SF3B6: variants seen among roughly 807,000 people sequenced by gnomAD.
SF3B6 encodes splicing factor 3b subunit 6.
SF3B6 carries 3 observed loss-of-function variants against 15.9 expected under a neutral mutation model. That is an observed-to-expected ratio of 0.19 (90% CI 0.09 to 0.49). SF3B6 has a LOEUF of 0.49. Ranked by LOEUF, SF3B6 falls within the 20% of genes least tolerant of loss-of-function variation. SF3B6 has a pLI of 0.97. For synonymous variants in SF3B6, 49 were observed against 51.1 expected (o/e 0.96, Z 0.18); for missense variants, 71 against 154.3 (o/e 0.46, Z 2.86).
intron 1 of SF3B6, 65 bp from the exon 2 acceptor site, chr2:24,074,259 C>T: frequency 1.3e-6 from 1 of 794,172 alleles, no homozygotes. Context: ...AATTTAAATG[C>T]CCCTATAATT....
chr2:24,075,779 G>A (rs1307547672), intron 1 of SF3B6, among the ~76,000 whole-genome samples: 1 of 151,872 alleles, frequency 6.6e-6, no homozygotes, highest in Non-Finnish European at 1.5e-5. Flanking sequence ...AAAAAATATT[G>A]TTTTAATTAA....
intron 1 of SF3B6, among the ~76,000 whole-genome samples, chr2:24,075,053 C>A (rs574864008): frequency 1.3e-5 from 2 of 152,264 alleles, no homozygotes; most frequent in African/African-American, 4.8e-5. Flanking sequence ...TGCTTGAACT[C>A]AGGAGACAGA....
chr2:24,068,820 G>A (rs187420517), intron 2 of SF3B6, among the ~76,000 whole-genome samples: 1 of 152,082 alleles, frequency 6.6e-6, no homozygotes, highest in East Asian at 1.9e-4. Flanking sequence ...CTGGCTCTAC[G>A]TTGTCTTTGT....
At chr2:24,076,136 T>C (rs2150979860) in intron 1 of SF3B6, 64 bp downstream of exon 1, 1 of 1,603,520 alleles carries the variant, frequency 6.2e-7, no homozygotes, top group Non-Finnish European at 8.5e-7. Context: ...AATGCTCCGA[T>C]CCACGCCGCT....
At chr2:24,075,931 G>C (rs936577668) in intron 1 of SF3B6, among the ~76,000 whole-genome samples, 4 of 152,050 alleles carry the variant, frequency 2.6e-5, no homozygotes, top group Admixed American at 1.3e-4. Flanking sequence ...CAGGTCCTTA[G>C]GTGCGGGTCA....
At chr2:24,074,021 T>G in intron 2 of SF3B6, 55 bp downstream of exon 2, 1 of 1,151,210 alleles carries the variant, frequency 8.7e-7, no homozygotes. Flanking sequence ...TCAGCTATAA[T>G]TCTGAAATTA....
intron 2 of SF3B6, among the ~76,000 whole-genome samples, chr2:24,072,277 C>A (rs1435173525): frequency 6.6e-6 from 1 of 152,196 alleles, no homozygotes; most frequent in African/African-American, 2.4e-5. Flanking sequence ...TGAGCCACCA[C>A]ATCTGGCCTA....
chr2:24,075,347 TTCTTTCTTTC>T (rs1391632060), intron 1 of SF3B6, among the ~76,000 whole-genome samples: 1 of 141,330 alleles, frequency 7.1e-6, no homozygotes, highest in Non-Finnish European at 1.5e-5. Context: ...CTTTCTTTCT[TTCTTTCTTTC>T]TGTTTTTTTT....
At chr2:24,068,282 A>C in intron 3 of SF3B6, 39 bp downstream of exon 3, 1 of 1,583,036 alleles carries the variant, frequency 6.3e-7, no homozygotes, top group Non-Finnish European at 8.6e-7. Context: ...CTAATTCTCA[A>C]ATGAGATCAC....
At chr2:24,074,216 G>A (rs772027557) in intron 1 of SF3B6, 22 bp from the exon 2 acceptor site, 3 of 1,310,948 alleles carry the variant, frequency 2.3e-6, no homozygotes, top group African/African-American at 1.5e-5. Flanking sequence ...AATACGTATT[G>A]TTATTATAAT....
intron 1 of SF3B6, 112 bp from the exon 2 acceptor site, chr2:24,074,306 A>C: frequency 1.7e-6 from 1 of 594,888 alleles, no homozygotes; most frequent in Non-Finnish European, 2.9e-6. Flanking sequence ...ATACGTAATA[A>C]TAAAAAGCCA....
intron 2 of SF3B6, among the ~76,000 whole-genome samples, chr2:24,072,641 T>C (rs1664675706): frequency 6.6e-6 from 1 of 152,206 alleles, no homozygotes; most frequent in Admixed American, 6.5e-5. Flanking sequence ...AGGTTAAATA[T>C]TTTCTCCAGT....
intron 1 of SF3B6, 81 bp downstream of exon 1, chr2:24,076,119 G>T: frequency 1.3e-6 from 2 of 1,558,460 alleles, no homozygotes; most frequent in South Asian, 1.1e-5. Flanking sequence ...GACGGAGGAG[G>T]AGCAAGAATG....
chr2:24,074,697 A>G (rs1344856640), intron 1 of SF3B6, among the ~76,000 whole-genome samples: 1 of 152,182 alleles, frequency 6.6e-6, no homozygotes, highest in Non-Finnish European at 1.5e-5. Flanking sequence ...CTTTCCCTCT[A>G]TTACTACGCC....
At position 24,075,194 on chromosome 2, in the gene SF3B6, G is replaced by A. The variant is rs534785297; in HGVS notation, c.31-1000C>T. Among the ~76,000 whole-genome samples the A allele has an allele frequency of 1.3e-4, 20 of 152,138 alleles. 2 individuals are homozygous for A. In the South Asian group the frequency reaches 4.1e-3, roughly 32 times the overall value. On this transcript the variant is annotated intron_variant, in intron 1 of 3. Coordinates refer to ENST00000233468, the MANE Select transcript of SF3B6 (RefSeq NM_016047.4). ...ATTTAAATGAGAACTCATGGACAGA[G>A]TGTCTTTGCTGTTTCCATTTTCTCA...
chr2:24,075,352 TCTTTCTG>T (rs565458465), intron 1 of SF3B6, among the ~76,000 whole-genome samples: 16,443 of 135,650 alleles, frequency 0.12, 1,228 homozygotes, highest in South Asian at 0.17. Context: ...TTTCTTTCTT[TCTTTCTG>T]TTTTTTTTTT....
Position 24,076,307 on chromosome 2 carries a change from G to A in SF3B6, c.-78C>T. On this transcript the variant is annotated 5_prime_UTR_variant, in exon 1 of 4. It adds an upstream start codon to the 5' untranslated region. Transcript: ENST00000233468. The stretch of plus-strand genomic sequence containing the variant: ...CGCTCGGCTTCGGGGGTTACACCGC[G>A]TTAGATGCAGGACATCAACATCCAG... 3 of 1,552,884 alleles carry A rather than the reference G, an allele frequency of 1.9e-6. No individual in the cohort carries two copies. Among genetic ancestry groups the A allele is most frequent in the East Asian group, 2.2e-5 (1 of 44,538 alleles).
At chr2:24,073,960 G>A (rs1441602660) in intron 2 of SF3B6, 116 bp downstream of exon 2, 2 of 701,670 alleles carry the variant, frequency 2.9e-6, no homozygotes, top group Non-Finnish European at 5.0e-6. Context: ...CTAGTCTCAA[G>A]GCTCTTGGTA....
chr2:24,073,315 C>A (rs1304430651), intron 2 of SF3B6, among the ~76,000 whole-genome samples: 1 of 152,092 alleles, frequency 6.6e-6, no homozygotes, highest in Admixed American at 6.5e-5. Context: ...GTCACTAGCC[C>A]TTTCATATGA....
Sources: gnomAD v4.1 joint callset for allele counts (sites outside exome capture counted in the v4.1 genomes callset) on GRCh38, gnomAD v4.1.1 for gene constraint, MANE v1.5 for transcripts, NCBI Gene and HGNC (gene_info 2026-07-23, HGNC 2026-07-21) for gene names.